Variants in TTC34 observed in about 807,000 individuals in gnomAD.
The protein encoded by TTC34 is tetratricopeptide repeat protein 34.
TTC34 carries 44 observed loss-of-function variants against 40.7 expected under a neutral mutation model. The observed-to-expected ratio is 1.08, with a 90% CI of 0.85 to 1.39. The LOEUF is 1.39. TTC34 is among the 40% of genes most tolerant of loss of function. The probability of loss-of-function intolerance (pLI) is 0.00; values close to 1 mark genes in which losing one functional copy is unlikely to be tolerated. For synonymous variants in TTC34, 422 were observed against 398.6 expected, an observed-to-expected ratio of 1.06 and a Z score of -0.70; for missense variants, 884 against 838.0, an observed-to-expected ratio of 1.05 and a Z score of -0.68.
rs1295118471 is a variant in TTC34, at chr1:2,785,796, G to A, written c.2059+23C>T. On this transcript the variant is annotated intron_variant, in intron 5 of 8. Coordinates refer to ENST00000401095, the Ensembl canonical transcript of TTC34. Reference sequence around the variant, plus strand: ...TGTGCCTGGCACAAGACTGGGCCCTGGGGGCAGGTGGGCAGCTCCTACCTG... The same window carrying A: ...TGTGCCTGGCACAAGACTGGGCCCTAGGGGCAGGTGGGCAGCTCCTACCTG... 20 of 1,538,834 alleles carry A rather than the reference G, an allele frequency of 1.3e-5. No individual in the cohort carries two copies. In the East Asian group the frequency reaches 4.5e-4, roughly 34 times the overall value.
rs949836616 is a variant in TTC34, at chr1:2,796,916, G to A, written c.784+3128C>T. ...GTCACCAAGAACCTCGGCACCACAC[G>A]CCCAACGCACACTCCTTGTCCTCTC... On this transcript the variant is annotated intron_variant, in intron 2 of 8. Transcript: ENST00000401095. The surrounding 1 kb of genome is among the most constrained non-coding windows in gnomAD (Gnocchi z 4.5). Among the ~76,000 whole-genome samples, 4 of 151,988 alleles carry A rather than the reference G, an allele frequency of 2.6e-5. No individual in the cohort carries two copies. The highest frequency in any genetic ancestry group is 7.3e-5 in the African/African-American group (3 of 41,370).
In TTC34 at chr1:2,652,969, C is replaced by A. The variant is rs1373349814; in HGVS notation, c.2227-7406G>T. ...ACAGCCTGGAGCAGTGCCCACACCC[C>A]CAGGTGAGCATGTGACAGCGTGGAG... On this transcript the variant is annotated intron_variant, in intron 6 of 8. Coordinates refer to ENST00000401095, the Ensembl canonical transcript of TTC34. 8.8e-5 allele frequency among the ~76,000 whole-genome samples: 13 copies of A among 148,324 alleles called. No homozygotes were observed. In the East Asian group the frequency reaches 1.0e-3, roughly 11 times the overall value.
intron 5 of TTC34, among the ~76,000 whole-genome samples, chr1:2,784,174 T>C (rs1197400116): frequency 6.6e-6 from 1 of 152,118 alleles, no homozygotes; most frequent in East Asian, 1.9e-4. Flanking sequence ...TTCTAAGTGA[T>C]TGACAAGGTG....
chr1:2,687,183 A>C (rs1206214847), intron 6 of TTC34, among the ~76,000 whole-genome samples: 5 of 89,960 alleles, frequency 5.6e-5, no homozygotes, highest in South Asian at 3.6e-4. Context: ...GAGCATCTGA[A>C]CCCACGGAGC....
At chr1:2,683,714 C>T (rs1386198947) in intron 6 of TTC34, among the ~76,000 whole-genome samples, 4 of 139,758 alleles carry the variant, frequency 2.9e-5, no homozygotes, top group Admixed American at 1.4e-4. Flanking sequence ...GCACCCACAC[C>T]CCCAGGTGAG....
intron 6 of TTC34, chr1:2,776,459 C>G (rs1264727698): frequency 8.9e-6 from 1 of 112,130 alleles, no homozygotes; most frequent in Non-Finnish European, 1.7e-5. Flanking sequence ...AGGTGAGCAT[C>G]TGGCAGCCTG....
intron 2 of TTC34, among the ~76,000 whole-genome samples, chr1:2,790,741 A>C (rs556980053): frequency 6.6e-6 from 1 of 152,330 alleles, no homozygotes; most frequent in African/African-American, 2.4e-5. Flanking sequence ...TCCTCTGGGA[A>C]TCAGTGCCCC....
rs566962879 is a variant in TTC34 at position 2,684,952 on chromosome 1, C to T, written c.2227-39389G>A. On this transcript the variant is annotated intron_variant, in intron 6 of 8. Transcript: ENST00000401095. ...AGCATCCGACAGCCTGGAGCACCAC[C>T]CACACCCCCAGACGAGCATCTGACA... Among the ~76,000 whole-genome samples, 50 of 138,196 alleles carry T rather than the reference C, an allele frequency of 3.6e-4. No individual in the cohort carries two copies. The South Asian group carries it at 4.4e-3, about 12-fold the overall frequency. 90.7% of individuals were successfully genotyped at this position (138,196 alleles called of 152,430 possible).
intron 6 of TTC34, among the ~76,000 whole-genome samples, chr1:2,755,136 C>A (rs1641462960): frequency 6.4e-5 from 4 of 62,410 alleles, no homozygotes; most frequent in Non-Finnish European, 1.1e-4. Context: ...GAACGGCACC[C>A]ACACCCCCAG....
At chr1:2,781,980 G>C (rs897002481) in intron 6 of TTC34, among the ~76,000 whole-genome samples, 1 of 152,164 alleles carries the variant, frequency 6.6e-6, no homozygotes, top group African/African-American at 2.4e-5. Context: ...TTTTCTTGTA[G>C]TGTCTTTGGC....
At chr1:2,677,568 AC>A (rs1557601702) in intron 6 of TTC34, among the ~76,000 whole-genome samples, 2 of 91,540 alleles carry the variant, frequency 2.2e-5, no homozygotes, top group African/African-American at 4.3e-5. Context: ...CAGCACCCAC[AC>A]ACCCAGGTGA....
intron 6 of TTC34, among the ~76,000 whole-genome samples, chr1:2,767,691 G>A (rs1413036939): frequency 1.5e-5 from 2 of 129,756 alleles, no homozygotes; most frequent in African/African-American, 6.1e-5. Flanking sequence ...CCAACCCCAG[G>A]TGAGGATCTG....
At chr1:2,756,269 C>A (rs1430266123) in intron 6 of TTC34, among the ~76,000 whole-genome samples, 1 of 55,772 alleles carries the variant, frequency 1.8e-5, no homozygotes, top group Non-Finnish European at 3.1e-5. Flanking sequence ...ACCCAGACGC[C>A]CAGGTGAGCA....
At chr1:2,654,998 G>C (rs1639290831) in intron 6 of TTC34, among the ~76,000 whole-genome samples, 1 of 152,310 alleles carries the variant, frequency 6.6e-6, no homozygotes, top group African/African-American at 2.4e-5. Flanking sequence ...TGACAGCCTG[G>C]AACAGCTCTC....
intron 6 of TTC34, among the ~76,000 whole-genome samples, chr1:2,755,611 C>A (rs1166103276): frequency 8.0e-6 from 1 of 125,104 alleles, no homozygotes; most frequent in Non-Finnish European, 1.6e-5. Context: ...CAGCCTGGAG[C>A]AGCACCCACA....
At chr1:2,657,423 C>A (rs557194718) in intron 6 of TTC34, among the ~76,000 whole-genome samples, 5 of 89,364 alleles carry the variant, frequency 5.6e-5, no homozygotes, top group African/African-American at 7.0e-5. Flanking sequence ...ACCAGTACCC[C>A]CAGGCGAGCA....
chr1:2,753,685 CAG>C (rs1641404585), intron 6 of TTC34, among the ~76,000 whole-genome samples: 2 of 65,660 alleles, frequency 3.0e-5, no homozygotes, highest in Non-Finnish European at 5.4e-5. Flanking sequence ...GAGCCTGGAA[CAG>C]CACCCTGCAC....
intron 4 of TTC34, among the ~76,000 whole-genome samples, chr1:2,786,692 G>A (rs993973794): frequency 1.3e-5 from 2 of 152,186 alleles, no homozygotes; most frequent in Non-Finnish European, 2.9e-5. Flanking sequence ...TTCAGACGAC[G>A]CGGAGCAAAA....
exon 3 of TTC34, chr1:2,790,275 C>G (rs1257455325): frequency 1.3e-5 from 5 of 398,356 alleles, no homozygotes; most frequent in Non-Finnish European, 1.8e-5. Flanking sequence ...TTCCAAAACA[C>G]GTCCTGGGCC....
Sources: allele counts gnomAD v4.1 joint callset (sites outside exome capture counted in the v4.1 genomes callset), GRCh38; gene constraint gnomAD v4.1.1; non-coding constraint Gnocchi (gnomAD v3.1); transcripts MANE v1.5; gene names NCBI Gene and HGNC (gene_info 2026-07-23, HGNC 2026-07-21).